DSCAM: variants seen among roughly 807,000 people sequenced by gnomAD.
DSCAM encodes DS cell adhesion molecule, also known as cell adhesion molecule DSCAM.
Under a neutral mutation model 217.7 loss-of-function variants are expected in DSCAM, and 47 were observed. That is an observed-to-expected ratio of 0.22 (90% confidence interval 0.17 to 0.28). The LOEUF is 0.28. Among genes scored for constraint, DSCAM ranks in the 10% least tolerant of loss-of-function variants. The pLI is 1.00. For missense variants in DSCAM, 2,080 were observed against 2,618.3 expected (o/e 0.79, Z 4.49); for synonymous variants, 1,056 against 1,015.3 (o/e 1.04, Z -0.76).
At chr21:40,135,864 G>T (rs1476594167) in intron 18 of DSCAM, among the ~76,000 whole-genome samples, 1 of 152,226 alleles carries the variant, frequency 6.6e-6, no homozygotes, top group Non-Finnish European at 1.5e-5. Flanking sequence ...ATACTGCATG[G>T]GATGGCTGAG....
chr21:40,154,159 C>T (rs2090452244), intron 16 of DSCAM, among the ~76,000 whole-genome samples: 1 of 151,634 alleles, frequency 6.6e-6, no homozygotes, highest in African/African-American at 2.4e-5. Flanking sequence ...TCTCCTCTCT[C>T]CTTTCTTTCC....
rs571360024 is a variant in DSCAM at position 40,038,930 on chromosome 21, C to T, written c.5686+3441G>A. Among the ~76,000 whole-genome samples, 1,362 of 149,226 alleles carry T rather than the reference C, an allele frequency of 9.1e-3. 19 individuals are homozygous for T. The highest frequency in any genetic ancestry group is 0.031 in the African/African-American group (1,265 of 40,308). On this transcript the variant is annotated intron_variant, in intron 32 of 32. Coordinates refer to ENST00000400454, the MANE Select transcript of DSCAM (RefSeq NM_001389.5). ...ACTATCGCAAGAACAAAAAACCAAACGCCGCATATTCTCACTCATAGGTGG... is the reference window on the plus strand; with the variant it reads ...ACTATCGCAAGAACAAAAAACCAAATGCCGCATATTCTCACTCATAGGTGG...
At chr21:40,171,846 C>T (rs2090661829) in intron 15 of DSCAM, among the ~76,000 whole-genome samples, 1 of 152,118 alleles carries the variant, frequency 6.6e-6, no homozygotes, top group South Asian at 2.1e-4. Context: ...CCAATGATGC[C>T]TATAAAATTA....
At chr21:40,649,682 C>T (rs999443123) in intron 3 of DSCAM, among the ~76,000 whole-genome samples, 1 of 151,986 alleles carries the variant, frequency 6.6e-6, no homozygotes, top group Non-Finnish European at 1.5e-5. Context: ...GTCTCAGAAG[C>T]GCTTTGAGAG....
chr21:40,580,616 G>A (rs1050709339), intron 3 of DSCAM, among the ~76,000 whole-genome samples: 23 of 152,088 alleles, frequency 1.5e-4, no homozygotes, highest in African/African-American at 5.5e-4. Context: ...AGCATGGAAA[G>A]TAGAAAAAAA....
At chr21:40,433,362 A>G (rs931256184) in intron 3 of DSCAM, among the ~76,000 whole-genome samples, 5 of 151,288 alleles carry the variant, frequency 3.3e-5, no homozygotes, top group East Asian at 1.9e-4. Context: ...AAAAAAAAAA[A>G]AAAAAGAGCA....
intron 1 of DSCAM, among the ~76,000 whole-genome samples, chr21:40,716,034 GA>G (rs1010632660): frequency 6.6e-6 from 1 of 151,984 alleles, no homozygotes; most frequent in Non-Finnish European, 1.5e-5. Flanking sequence ...ATGACTGCAG[GA>G]AAAAAATGAT....
intron 11 of DSCAM, among the ~76,000 whole-genome samples, chr21:40,225,786 G>A (rs573601838): frequency 2.6e-4 from 40 of 152,088 alleles, no homozygotes; most frequent in Non-Finnish European, 4.6e-4. Context: ...TCAGAGCCTC[G>A]ATTTGTGTGA....
At chr21:40,303,021 C>T (rs950197459) in intron 9 of DSCAM, among the ~76,000 whole-genome samples, 14 of 152,044 alleles carry the variant, frequency 9.2e-5, no homozygotes, top group African/African-American at 3.4e-4. Context: ...TTTAGGTTTC[C>T]CTAGCTGTAA....
intron 3 of DSCAM, among the ~76,000 whole-genome samples, chr21:40,381,747 T>C (rs766146619): frequency 1.3e-5 from 2 of 152,212 alleles, no homozygotes; most frequent in East Asian, 1.9e-4. Context: ...CTTAATATTA[T>C]GGGATAATGG....
At chr21:40,266,651 A>ATATATATTTT (rs1305930626) in intron 11 of DSCAM, among the ~76,000 whole-genome samples, 6 of 123,912 alleles carry the variant, frequency 4.8e-5, no homozygotes, top group Admixed American at 3.7e-4. Flanking sequence ...ATATATATAT[A>ATATATATTTT]TATATATATA....
chr21:40,264,362 A>G (rs1182564140), intron 11 of DSCAM, among the ~76,000 whole-genome samples: 1 of 152,192 alleles, frequency 6.6e-6, no homozygotes, highest in Non-Finnish European at 1.5e-5. Flanking sequence ...CAAAAAAATA[A>G]TTCACCATGA....
At chr21:40,042,969 G>A (rs1291579620) in intron 31 of DSCAM, among the ~76,000 whole-genome samples, 7 of 152,192 alleles carry the variant, frequency 4.6e-5, no homozygotes, top group African/African-American at 1.7e-4. Context: ...CCTGCTTTTA[G>A]TGAAAACAGT....
chr21:40,413,764 G>A (rs1197333027), intron 3 of DSCAM, among the ~76,000 whole-genome samples: 1 of 152,174 alleles, frequency 6.6e-6, no homozygotes, highest in Non-Finnish European at 1.5e-5. Context: ...TAAACATAGG[G>A]ACCTAAGGAG....
At chr21:40,405,644 C>T (rs1465485365) in intron 3 of DSCAM, among the ~76,000 whole-genome samples, 2 of 152,030 alleles carry the variant, frequency 1.3e-5, no homozygotes, top group Non-Finnish European at 1.5e-5. Context: ...AATACAATAA[C>T]AAGAAAGCAA....
At chr21:40,303,174 A>T (rs2074035194) in intron 9 of DSCAM, among the ~76,000 whole-genome samples, 1 of 152,158 alleles carries the variant, frequency 6.6e-6, no homozygotes. Context: ...AATTTACGAC[A>T]CTGACAATTA....
chr21:40,535,543 C>T (rs1055185510), intron 3 of DSCAM, among the ~76,000 whole-genome samples: 7 of 152,208 alleles, frequency 4.6e-5, no homozygotes, highest in African/African-American at 1.7e-4. Flanking sequence ...AGAGACTCAA[C>T]TAACTGTAGA....
chr21:40,641,705 T>C (rs1476233760), intron 3 of DSCAM, among the ~76,000 whole-genome samples: 1 of 152,182 alleles, frequency 6.6e-6, no homozygotes, highest in Non-Finnish European at 1.5e-5. Context: ...ATTTGGTGGA[T>C]TTATTTACTC....
chr21:40,516,504 T>C (rs571240101), intron 3 of DSCAM, among the ~76,000 whole-genome samples: 86 of 152,228 alleles, frequency 5.6e-4, no homozygotes, highest in Middle Eastern at 3.4e-3. Context: ...CCTCTCTCCA[T>C]GGGGCTGTGA....
Sources: gnomAD v4.1 joint callset for allele counts (sites outside exome capture counted in the v4.1 genomes callset) on GRCh38, gnomAD v4.1.1 for gene constraint, MANE v1.5 for transcripts, NCBI Gene and HGNC (gene_info 2026-07-23, HGNC 2026-07-21) for gene names.